SLC24A4: variants seen among roughly 807,000 people sequenced by gnomAD.
SLC24A4 encodes the protein solute carrier family 24 member 4.
A neutral mutation model predicts 79.0 loss-of-function variants in SLC24A4; 53 were observed. The observed-to-expected ratio is 0.67, with a 90% CI of 0.54 to 0.84. SLC24A4 has a LOEUF of 0.84. SLC24A4 is among the 40% of genes least tolerant of loss of function. The probability of loss-of-function intolerance (pLI) is 0.00; values close to 1 mark genes in which losing one functional copy is unlikely to be tolerated. For synonymous variants in SLC24A4, 323 were observed against 323.8 expected, an observed-to-expected ratio of 1.00 and a Z score of 0.03; for missense variants, 731 against 822.0, an observed-to-expected ratio of 0.89 and a Z score of 1.35.
intron 2 of SLC24A4, among the ~76,000 whole-genome samples, chr14:92,329,852 C>T (rs1156379778): frequency 6.6e-6 from 1 of 152,222 alleles, no homozygotes; most frequent in South Asian, 2.1e-4. Flanking sequence ...ACTAACATTA[C>T]TCACTTCATT....
chr14:92,358,016 A>G (rs931529660), intron 2 of SLC24A4, among the ~76,000 whole-genome samples: 1 of 152,226 alleles, frequency 6.6e-6, no homozygotes, highest in African/African-American at 2.4e-5. Context: ...TGTTTTCAAT[A>G]AGTTAACTTC....
chr14:92,333,389 C>T (rs1053148537), intron 2 of SLC24A4, among the ~76,000 whole-genome samples: 10 of 152,210 alleles, frequency 6.6e-5, no homozygotes, highest in Admixed American at 6.5e-4. Context: ...GCCACTGTGC[C>T]CGGCCCCACT....
chr14:92,354,243 C>T (rs538310766), intron 2 of SLC24A4, among the ~76,000 whole-genome samples: 6 of 152,130 alleles, frequency 3.9e-5, no homozygotes, highest in African/African-American at 9.6e-5. Flanking sequence ...CTCCGCCTCC[C>T]GGGTTCACGC....
At chr14:92,369,302 C>G (rs1042309724) in intron 2 of SLC24A4, among the ~76,000 whole-genome samples, 2 of 152,160 alleles carry the variant, frequency 1.3e-5, no homozygotes, top group African/African-American at 4.8e-5. Context: ...GTCATGATTC[C>G]CAGCATGAAA....
intron 13 of SLC24A4, chr14:92,484,120 T>C: frequency 1.0e-6 from 1 of 985,382 alleles, no homozygotes; most frequent in Non-Finnish European, 1.2e-6. Flanking sequence ...GCCCAGCACA[T>C]TCTAGGCACT....
chr14:92,345,527 T>C (rs1469880845), intron 2 of SLC24A4, among the ~76,000 whole-genome samples: 5 of 152,080 alleles, frequency 3.3e-5, no homozygotes, highest in African/African-American at 1.2e-4. Context: ...ATGGTGAAAC[T>C]ATATGTCTAC....
intron 2 of SLC24A4, among the ~76,000 whole-genome samples, chr14:92,388,983 C>CTT (rs76363733): frequency 0.075 from 11,447 of 152,240 alleles, 498 homozygotes; most frequent in Non-Finnish European, 0.085. Context: ...AACAAACTCA[C>CTT]TTTGGGTATG....
chr14:92,493,662 C>T lies in SLC24A4; in HGVS notation c.*34C>T. The T allele has an allele frequency of 1.2e-6, 2 of 1,609,668 alleles. No individual in the cohort carries two copies. Among genetic ancestry groups the T allele is most frequent in the Non-Finnish European group, 1.7e-6 (2 of 1,177,450 alleles). ...CGCGGCCCCTGGGAGCTGATCTGGA[C>T]ACCCTGTGACACTGGCGTTCTCCTC... is the stretch of plus-strand genomic sequence containing the variant. On this transcript the variant is annotated 3_prime_UTR_variant, in exon 17 of 17. Transcript: ENST00000532405.
At chr14:92,451,393 G>T (rs1430408084) in intron 10 of SLC24A4, 1 of 152,376 alleles carries the variant, frequency 6.6e-6, no homozygotes, top group Non-Finnish European at 1.5e-5. Flanking sequence ...CCCTGGGTGG[G>T]ACTGGGGAGG....
intron 2 of SLC24A4, among the ~76,000 whole-genome samples, chr14:92,433,311 G>A (rs1454656989): frequency 1.3e-5 from 2 of 152,230 alleles, no homozygotes; most frequent in African/African-American, 4.8e-5. Flanking sequence ...GAGTTGCTCA[G>A]AGCTGCCTGG....
chr14:92,474,843 G>GTGTGTATATATATT (rs779007741), intron 12 of SLC24A4, among the ~76,000 whole-genome samples: 1 of 23,884 alleles, frequency 4.2e-5, no homozygotes, highest in Non-Finnish European at 1.2e-4. Flanking sequence ...GTGTGTGTGT[G>GTGTGTATATATATT]TATATATATA....
At chr14:92,406,268 C>T (rs1890368926) in intron 2 of SLC24A4, among the ~76,000 whole-genome samples, 2 of 152,238 alleles carry the variant, frequency 1.3e-5, no homozygotes, top group Non-Finnish European at 2.9e-5. Context: ...TTGCAGGGTA[C>T]AGCCCCTGTG....
chr14:92,323,675 C>A lies in SLC24A4; in HGVS notation c.-156C>A. On this transcript the variant is annotated 5_prime_UTR_variant, in exon 1 of 17. Transcript: ENST00000532405. The surrounding 1 kb of genome is among the most constrained non-coding windows in gnomAD (Gnocchi z 4.9). ...CCACCTTCCCAAGGGGCTCCCCCGC[C>A]GACCTCGCCCTCGGGCCATGAGGCT... is the stretch of plus-strand genomic sequence containing the variant. 2.2e-6 allele frequency: 2 copies of A among 922,300 alleles called. No individual in the cohort carries two copies. The highest frequency in any genetic ancestry group is 3.0e-6 in the Non-Finnish European group (2 of 657,450). 57.1% of individuals were successfully genotyped at this position (922,300 alleles called of 1,614,324 possible).
intron 2 of SLC24A4, among the ~76,000 whole-genome samples, chr14:92,348,555 C>G (rs1886675296): frequency 6.6e-6 from 1 of 152,204 alleles, no homozygotes; most frequent in African/African-American, 2.4e-5. Flanking sequence ...GATTCCCAGT[C>G]CCTGGGGCCC....
intron 2 of SLC24A4, among the ~76,000 whole-genome samples, chr14:92,343,642 C>T (rs10139742): frequency 0.074 from 3,225 of 43,530 alleles, 63 homozygotes; most frequent in African/African-American, 0.11. Context: ...CTTTCTTTCT[C>T]TCTTTCCTTC....
intron 3 of SLC24A4, among the ~76,000 whole-genome samples, chr14:92,434,273 G>C (rs1323431104): frequency 6.6e-6 from 1 of 152,178 alleles, no homozygotes; most frequent in Non-Finnish European, 1.5e-5. Flanking sequence ...ACCTATTACA[G>C]AGTGTGAATA....
chr14:92,342,391 T>A (rs1296665525), intron 2 of SLC24A4, among the ~76,000 whole-genome samples: 1 of 150,866 alleles, frequency 6.6e-6, no homozygotes, highest in African/African-American at 2.5e-5. Flanking sequence ...TTTATTTATT[T>A]ATTTATTTTG....
intron 2 of SLC24A4, among the ~76,000 whole-genome samples, chr14:92,356,889 C>T (rs1045304451): frequency 6.6e-5 from 10 of 152,222 alleles, no homozygotes; most frequent in African/African-American, 1.2e-4. Context: ...CCTCATGGCA[C>T]GTGCAGGACA....
chr14:92,423,296 G>A (rs1412802734), intron 2 of SLC24A4, among the ~76,000 whole-genome samples: 2 of 151,676 alleles, frequency 1.3e-5, no homozygotes, highest in Non-Finnish European at 2.9e-5. Flanking sequence ...AGGCACGCGC[G>A]ACCATGCCTG....
Sources: allele counts gnomAD v4.1 joint callset (sites outside exome capture counted in the v4.1 genomes callset), GRCh38; gene constraint gnomAD v4.1.1; non-coding constraint Gnocchi (gnomAD v3.1); transcripts MANE v1.5; gene names NCBI Gene and HGNC (gene_info 2026-07-23, HGNC 2026-07-21).